CCDC73: variants seen among roughly 807,000 people sequenced by gnomAD.
CCDC73 encodes coiled-coil domain-containing protein 73.
In CCDC73, 95 loss-of-function variants were observed where a neutral mutation model predicts 116.5. That is an observed-to-expected ratio of 0.82 (90% CI 0.69 to 0.97). The LOEUF (loss-of-function observed/expected upper bound fraction) is 0.97, where lower values mean the gene tolerates loss of function less well. CCDC73 is among the 50% of genes least tolerant of loss of function. CCDC73 has a pLI of 0.00. For missense variants in CCDC73, 1,066 were observed against 1,206.8 expected (o/e 0.88, Z 1.73); for synonymous variants, 398 against 401.3 (o/e 0.99, Z 0.10).
intron 1 of CCDC73, among the ~76,000 whole-genome samples, chr11:32,786,513 A>G (rs1434430453): frequency 6.8e-6 from 1 of 146,824 alleles, no homozygotes; most frequent in Non-Finnish European, 1.5e-5. Flanking sequence ...GTTATTAATA[A>G]ATATTTCATT....
chr11:32,726,509 G>A (rs1850031010), intron 2 of CCDC73, among the ~76,000 whole-genome samples: 1 of 151,964 alleles, frequency 6.6e-6, no homozygotes, highest in African/African-American at 2.4e-5. Context: ...GAAACATGGA[G>A]AGAAAAAAGT....
intron 1 of CCDC73, among the ~76,000 whole-genome samples, chr11:32,786,703 T>A (rs935260094): frequency 1.3e-5 from 2 of 151,818 alleles, no homozygotes; most frequent in Non-Finnish European, 2.9e-5. Flanking sequence ...AAGGCTTTTA[T>A]GTCTTTGGAA....
chr11:32,828,957 T>C, the CCDC73 span, among the ~76,000 whole-genome samples: 1 of 152,154 alleles, frequency 6.6e-6, no homozygotes, highest in Non-Finnish European at 1.5e-5. Context: ...CTAGTAGATA[T>C]GAACAAATAG....
chr11:32,783,542 G>A (rs1159308307), intron 1 of CCDC73, among the ~76,000 whole-genome samples: 1 of 152,218 alleles, frequency 6.6e-6, no homozygotes, highest in Non-Finnish European at 1.5e-5. Context: ...CTAGATCAAA[G>A]TGCTAGCAGA....
At chr11:32,617,030 T>C (rs1293051990) in intron 14 of CCDC73, among the ~76,000 whole-genome samples, 1 of 152,134 alleles carries the variant, frequency 6.6e-6, no homozygotes, top group African/African-American at 2.4e-5. Flanking sequence ...AAATGGCATA[T>C]AGCGATACTT....
chr11:32,632,007 T>C (rs1347521160), intron 14 of CCDC73, among the ~76,000 whole-genome samples: 3 of 152,242 alleles, frequency 2.0e-5, no homozygotes, highest in Admixed American at 6.5e-5. Context: ...ACTGGAAATA[T>C]GTTGTTAAAT....
chr11:32,654,988 A>G lies in CCDC73; in HGVS notation c.646-16T>C. 1.3e-6 allele frequency: 2 copies of G among 1,578,360 alleles called. No homozygotes were observed. The highest frequency in any genetic ancestry group is 2.4e-5 in the South Asian group (2 of 83,068). On this transcript the variant is annotated splice_polypyrimidine_tract_variant and intron_variant, in intron 9 of 17. Coordinates refer to ENST00000335185, the MANE Select transcript of CCDC73 (RefSeq NM_001008391.4). Reference sequence around the variant, plus strand: ...TTTTTAGTTCCTTAATAAGAAACATATCAAACAGAAAATTCAGTACACATA... The same window carrying G: ...TTTTTAGTTCCTTAATAAGAAACATGTCAAACAGAAAATTCAGTACACATA...
At chr11:32,828,956 A>G in the CCDC73 span, among the ~76,000 whole-genome samples, 1 of 152,232 alleles carries the variant, frequency 6.6e-6, no homozygotes, top group Non-Finnish European at 1.5e-5. Context: ...CCTAGTAGAT[A>G]TGAACAAATA....
intron 3 of CCDC73, among the ~76,000 whole-genome samples, chr11:32,715,964 A>G (rs540886434): frequency 1.3e-5 from 2 of 151,958 alleles, no homozygotes; most frequent in Non-Finnish European, 2.9e-5. Context: ...ATCCCCATCA[A>G]TATCCTCCCT....
chr11:32,615,922 A>G lies in CCDC73; in HGVS notation c.1375+18T>C, dbSNP rs200810856. On this transcript the variant is annotated intron_variant, in intron 15 of 17. Coordinates refer to ENST00000335185, the MANE Select transcript of CCDC73 (RefSeq NM_001008391.4). ...TCAACATACAAATTAGAAAATATCAATATAATTTTAAGGTTACCATCTATA... is the reference window on the plus strand; with the variant it reads ...TCAACATACAAATTAGAAAATATCAGTATAATTTTAAGGTTACCATCTATA... 605 of 1,507,060 alleles carry G rather than the reference A, an allele frequency of 4.0e-4. No homozygotes were observed. The African/African-American group carries it at 5.3e-3, about 13-fold the overall frequency. The allele number at this position is 1,507,060 out of a possible 1,614,324, so 93.4% of individuals were successfully genotyped here.
At chr11:32,667,512 A>T (rs1454763465) in intron 9 of CCDC73, among the ~76,000 whole-genome samples, 1 of 152,152 alleles carries the variant, frequency 6.6e-6, no homozygotes, top group African/African-American at 2.4e-5. Flanking sequence ...ACCATTGGAA[A>T]AGCGCAGTAT....
At chr11:32,733,802 C>G (rs11500260) in intron 2 of CCDC73, among the ~76,000 whole-genome samples, 2 of 151,890 alleles carry the variant, frequency 1.3e-5, no homozygotes, top group East Asian at 1.9e-4. Context: ...CACTAAATGC[C>G]CACAAGAGAA....
chr11:32,603,275 A>G lies in CCDC73; in HGVS notation c.3031-255T>C, dbSNP rs192668112. 904 of 344,204 alleles carry G rather than the reference A, an allele frequency of 2.6e-3. 4 individuals are homozygous for G. Among genetic ancestry groups the G allele is most frequent in the Non-Finnish European group, 2.3e-3 (433 of 190,896 alleles). The allele number at this position is 344,204 out of a possible 1,614,324, so 21.3% of individuals were successfully genotyped here. A position where few individuals can be genotyped will look rare whatever the true frequency, so the allele number is the denominator to read the frequency against. Reference sequence around the variant, plus strand: ...CTTTTACTACTTCATGTTTCCTCCCATGCTTCAGAACACCATTGTTGAAGA... The same window carrying G: ...CTTTTACTACTTCATGTTTCCTCCCGTGCTTCAGAACACCATTGTTGAAGA... On this transcript the variant is annotated intron_variant, in intron 17 of 17. Coordinates refer to ENST00000335185, the MANE Select transcript of CCDC73 (RefSeq NM_001008391.4).
chr11:32,662,725 C>T (rs1458505993), intron 9 of CCDC73, among the ~76,000 whole-genome samples: 1 of 152,106 alleles, frequency 6.6e-6, no homozygotes, highest in Non-Finnish European at 1.5e-5. Flanking sequence ...GCTTTTGTTG[C>T]CATTGCTTTT....
At chr11:32,723,204 T>A (rs889357974) in intron 2 of CCDC73, among the ~76,000 whole-genome samples, 12 of 152,314 alleles carry the variant, frequency 7.9e-5, no homozygotes, top group African/African-American at 2.9e-4. Flanking sequence ...ACTAGAAATA[T>A]TTGTTGAATG....
intron 14 of CCDC73, among the ~76,000 whole-genome samples, chr11:32,634,401 C>T (rs1855660043): frequency 6.6e-6 from 1 of 151,990 alleles, no homozygotes; most frequent in African/African-American, 2.4e-5. Flanking sequence ...AAAAAAAACC[C>T]AATCATCTTA....
At chr11:32,781,697 CA>C (rs757102070) in intron 1 of CCDC73, among the ~76,000 whole-genome samples, 2 of 152,176 alleles carry the variant, frequency 1.3e-5, no homozygotes, top group Non-Finnish European at 2.9e-5. Context: ...GAGAAAGGGT[CA>C]GGGGTGGCTA....
At chr11:32,793,284 G>T (rs1850692698) in intron 1 of CCDC73, among the ~76,000 whole-genome samples, 2 of 152,176 alleles carry the variant, frequency 1.3e-5, no homozygotes, top group Admixed American at 1.3e-4. Context: ...AAATGGCTGA[G>T]AGAAGACACC....
intron 13 of CCDC73, among the ~76,000 whole-genome samples, chr11:32,639,502 T>G (rs1015522494): frequency 6.6e-6 from 1 of 151,866 alleles, no homozygotes; most frequent in Non-Finnish European, 1.5e-5. Flanking sequence ...TAGGCTGGAG[T>G]GCAGTGGTGC....
Sources: allele counts gnomAD v4.1 joint callset (sites outside exome capture counted in the v4.1 genomes callset), GRCh38; gene constraint gnomAD v4.1.1; transcripts MANE v1.5; gene names NCBI Gene and HGNC (gene_info 2026-07-23, HGNC 2026-07-21).